Variants in EIF4ENIF1 observed in about 807,000 individuals in gnomAD.
EIF4ENIF1 encodes eukaryotic translation initiation factor 4E transporter.
Under a neutral mutation model 110.5 loss-of-function variants are expected in EIF4ENIF1, and 23 were observed. The observed-to-expected ratio is 0.21, with a 90% CI of 0.15 to 0.29. The LOEUF (loss-of-function observed/expected upper bound fraction) is 0.29, where lower values mean the gene tolerates loss of function less well. Among genes scored for constraint, EIF4ENIF1 ranks in the 10% least tolerant of loss-of-function variants. The pLI is 1.00. For synonymous variants in EIF4ENIF1, 440 were observed against 437.0 expected (o/e 1.01, Z -0.09); for missense variants, 1,031 against 1,221.1 (o/e 0.84, Z 2.32).
At chr22:31,488,997 A>G (rs2052152350) in intron 1 of EIF4ENIF1, among the ~76,000 whole-genome samples, 1 of 152,260 alleles carries the variant, frequency 6.6e-6, no homozygotes, top group Non-Finnish European at 1.5e-5. Context: ...ATAACCTTTA[A>G]GCAGCTTTAA....
chr22:31,475,755 G>A (rs2146054088), intron 2 of EIF4ENIF1, among the ~76,000 whole-genome samples: 1 of 151,320 alleles, frequency 6.6e-6, no homozygotes, highest in Non-Finnish European at 1.5e-5. Context: ...ACCAAGTGTG[G>A]TCCCCGCTAC....
downstream of EIF4ENIF1, among the ~76,000 whole-genome samples, chr22:31,438,999 C>A (rs1308162021): frequency 6.6e-6 from 1 of 152,144 alleles, no homozygotes; most frequent in Non-Finnish European, 1.5e-5. Flanking sequence ...AGATTACAGG[C>A]GTGAGCCACA....
At chr22:31,449,624 G>T in intron 11 of EIF4ENIF1, 93 bp from the exon 12 acceptor site, 2 of 1,176,936 alleles carry the variant, frequency 1.7e-6, no homozygotes, top group Non-Finnish European at 2.4e-6. Flanking sequence ...GCCACAAGAT[G>T]GATCTCCCTC....
chr22:31,480,158 C>T (rs2051758245), intron 2 of EIF4ENIF1, among the ~76,000 whole-genome samples: 1 of 152,100 alleles, frequency 6.6e-6, no homozygotes, highest in Admixed American at 6.6e-5. Context: ...TGCTAATTGC[C>T]CAAGAGCCAC....
At chr22:31,449,289 C>A (rs2050575553) in intron 12 of EIF4ENIF1, 59 bp downstream of exon 12, 6 of 1,554,696 alleles carry the variant, frequency 3.9e-6, no homozygotes, top group Admixed American at 3.5e-5. Flanking sequence ...GAATTACAGG[C>A]ATGAGCTACC....
At chr22:31,487,334 T>G (rs995916560) in intron 2 of EIF4ENIF1, among the ~76,000 whole-genome samples, 1 of 152,242 alleles carries the variant, frequency 6.6e-6, no homozygotes, top group Admixed American at 6.5e-5. Flanking sequence ...AAAACATTTC[T>G]CTTACTGCAG....
chr22:31,448,385 A>G (rs2050543135), intron 12 of EIF4ENIF1, among the ~76,000 whole-genome samples, 153 bp from the exon 13 acceptor site: 1 of 152,182 alleles, frequency 6.6e-6, no homozygotes, highest in African/African-American at 2.4e-5. Context: ...CTGTGCCCCA[A>G]CAGTGGGCTA....
downstream of EIF4ENIF1, among the ~76,000 whole-genome samples, chr22:31,438,018 G>C (rs900537843): frequency 6.6e-6 from 1 of 152,162 alleles, no homozygotes; most frequent in Non-Finnish European, 1.5e-5. Flanking sequence ...TTGTATTCCT[G>C]CAAGTACACG....
chr22:31,448,496 C>T (rs1378603091), intron 12 of EIF4ENIF1, among the ~76,000 whole-genome samples: 9 of 152,172 alleles, frequency 5.9e-5, no homozygotes, highest in African/African-American at 1.9e-4. Context: ...GAAGAGCTTT[C>T]CTAGCCAGCA....
intron 7 of EIF4ENIF1, among the ~76,000 whole-genome samples, chr22:31,457,612 G>T (rs1363717970): frequency 6.6e-6 from 1 of 152,116 alleles, no homozygotes; most frequent in Admixed American, 6.5e-5. Context: ...AGTTAAGCAG[G>T]GGAAGCTTAG....
At chr22:31,455,807 A>G in intron 8 of EIF4ENIF1, 45 bp downstream of exon 8, 1 of 1,610,480 alleles carries the variant, frequency 6.2e-7, no homozygotes, top group Non-Finnish European at 8.5e-7. Flanking sequence ...ATATCAGGGA[A>G]AAACCCAGGT....
chr22:31,444,822 T>A (rs925631299), intron 14 of EIF4ENIF1, 132 bp from the exon 15 acceptor site: 17 of 819,476 alleles, frequency 2.1e-5, no homozygotes, highest in Admixed American at 6.3e-5. Context: ...TCCCAAGCAT[T>A]TAGGCCTAAC....
chr22:31,471,349 C>T lies in EIF4ENIF1; in HGVS notation c.170+495G>A, dbSNP rs34152346. Among the ~76,000 whole-genome samples the T allele has an allele frequency of 5.4e-3, 817 of 151,316 alleles. 9 individuals carry two copies. The highest frequency in any genetic ancestry group is 8.6e-3 in the Non-Finnish European group (586 of 67,808). ...TTTTTTTTTGAGACGGAATCTCGCA[C>T]TGTCGCCCAGGCTGGAGTGCAGTAG... On this transcript the variant is annotated intron_variant, in intron 3 of 18. Transcript: ENST00000330125.
At chr22:31,477,544 A>T (rs1170514659) in intron 2 of EIF4ENIF1, among the ~76,000 whole-genome samples, 1 of 152,200 alleles carries the variant, frequency 6.6e-6, no homozygotes, top group Non-Finnish European at 1.5e-5. Flanking sequence ...TCCGTATTCC[A>T]GTTTTCGTTG....
intron 17 of EIF4ENIF1, 111 bp from the exon 18 acceptor site, chr22:31,440,979 T>C (rs1030385650): frequency 1.7e-5 from 24 of 1,418,428 alleles, no homozygotes; most frequent in Non-Finnish European, 6.7e-6. Context: ...TGAAGGGCTC[T>C]GCGCAGTGGC....
intron 4 of EIF4ENIF1, among the ~76,000 whole-genome samples, chr22:31,467,788 G>A (rs907991357): frequency 8.0e-5 from 12 of 150,676 alleles, no homozygotes; most frequent in Admixed American, 3.3e-4. Context: ...GCAAGACTCC[G>A]TCTCAAAAAA....
At chr22:31,469,756 G>A (rs547663867) in intron 3 of EIF4ENIF1, among the ~76,000 whole-genome samples, 2 of 152,308 alleles carry the variant, frequency 1.3e-5, no homozygotes, top group East Asian at 1.9e-4. Context: ...GCAGTGGCAT[G>A]ATTATACCTC....
chr22:31,476,867 G>A (rs2051592250), intron 2 of EIF4ENIF1, among the ~76,000 whole-genome samples: 1 of 151,722 alleles, frequency 6.6e-6, no homozygotes, highest in South Asian at 2.1e-4. Context: ...AGGTGTGGGG[G>A]TGCACACCTG....
chr22:31,448,818 G>A (rs2050558355), intron 12 of EIF4ENIF1, among the ~76,000 whole-genome samples: 2 of 152,020 alleles, frequency 1.3e-5, no homozygotes, highest in Admixed American at 6.6e-5. Flanking sequence ...CCACTACACT[G>A]ACTTCTACTA....
Sources: gnomAD v4.1 joint callset for allele counts (sites outside exome capture counted in the v4.1 genomes callset) on GRCh38, gnomAD v4.1.1 for gene constraint, MANE v1.5 for transcripts, NCBI Gene and HGNC (gene_info 2026-07-23, HGNC 2026-07-21) for gene names.